Variants in MAP7 observed in about 807,000 individuals in gnomAD.
MAP7 encodes ensconsin.
A neutral mutation model predicts 94.8 loss-of-function variants in MAP7; 52 were observed. The ratio of observed to expected loss-of-function variants is 0.55; its 90% CI spans 0.44 to 0.69. MAP7 has a LOEUF of 0.69. Ranked by LOEUF, MAP7 falls within the 30% of genes least tolerant of loss-of-function variation. The probability of loss-of-function intolerance (pLI) is 0.00; values close to 1 mark genes in which losing one functional copy is unlikely to be tolerated. For missense variants in MAP7, 940 were observed against 964.6 expected, an observed-to-expected ratio of 0.97 and a Z score of 0.34; for synonymous variants, 350 against 357.0, an observed-to-expected ratio of 0.98 and a Z score of 0.22.
At chr6:136,497,858 C>T (rs1385334237) in intron 1 of MAP7, among the ~76,000 whole-genome samples, 2 of 149,054 alleles carry the variant, frequency 1.3e-5, no homozygotes, top group Non-Finnish European at 3.0e-5. Context: ...GCATGAATGA[C>T]TGTTTTTCCC....
intron 1 of MAP7, among the ~76,000 whole-genome samples, chr6:136,424,288 C>A: frequency 6.7e-6 from 1 of 148,280 alleles, no homozygotes; most frequent in South Asian, 2.1e-4. Context: ...GACTAGGTGA[C>A]TTTCCAGTAT....
intron 16 of MAP7, among the ~76,000 whole-genome samples, chr6:136,347,811 C>T (rs1007523152): frequency 7.2e-5 from 11 of 152,154 alleles, no homozygotes; most frequent in Admixed American, 2.0e-4. Flanking sequence ...TTAAACCTTC[C>T]TTTTTTACGG....
chr6:136,348,011 G>GCC (rs58157708), intron 16 of MAP7, among the ~76,000 whole-genome samples: 33 of 136,878 alleles, frequency 2.4e-4, no homozygotes, highest in African/African-American at 6.7e-4. Context: ...ATGTGCACAT[G>GCC]CCCCCCCCCC....
intron 1 of MAP7, among the ~76,000 whole-genome samples, chr6:136,424,400 T>A (rs1435011571): frequency 6.6e-6 from 1 of 152,130 alleles, no homozygotes; most frequent in African/African-American, 2.4e-5. Context: ...TTATGAAATC[T>A]TTATTGATTA....
At chr6:136,539,391 C>T (rs1829136722) in intron 1 of MAP7, among the ~76,000 whole-genome samples, 2 of 152,150 alleles carry the variant, frequency 1.3e-5, no homozygotes, top group African/African-American at 2.4e-5. Context: ...TAGAATTACC[C>T]CTAAACAATT....
chr6:136,413,714 T>A (rs1788262090), intron 2 of MAP7, among the ~76,000 whole-genome samples: 1 of 151,978 alleles, frequency 6.6e-6, no homozygotes, highest in Non-Finnish European at 1.5e-5. Context: ...TGGGTTCAAG[T>A]GAATCCTCCC....
intron 1 of MAP7, among the ~76,000 whole-genome samples, chr6:136,483,619 T>A (rs1021683340): frequency 3.9e-5 from 6 of 151,954 alleles, no homozygotes; most frequent in Non-Finnish European, 8.8e-5. Flanking sequence ...TCCTTTATAC[T>A]CACAGGAACA....
At chr6:136,533,154 C>G (rs1184800420) in intron 1 of MAP7, among the ~76,000 whole-genome samples, 1 of 152,206 alleles carries the variant, frequency 6.6e-6, no homozygotes, top group East Asian at 1.9e-4. Flanking sequence ...TGCCTGTAAT[C>G]TCAGCTACTC....
intron 16 of MAP7, among the ~76,000 whole-genome samples, chr6:136,355,304 A>G (rs1428204934): frequency 1.3e-5 from 2 of 151,948 alleles, no homozygotes; most frequent in Admixed American, 6.6e-5. Context: ...ATTGAACATA[A>G]TAAGTTTTAG....
At chr6:136,448,625 G>A (rs1157061089) in intron 1 of MAP7, among the ~76,000 whole-genome samples, 1 of 151,896 alleles carries the variant, frequency 6.6e-6, no homozygotes, top group African/African-American at 2.4e-5. Flanking sequence ...ATGTTGGGCA[G>A]GATGGTCTCG....
chr6:136,507,080 TTC>T (rs926540069), intron 1 of MAP7, among the ~76,000 whole-genome samples: 30 of 152,120 alleles, frequency 2.0e-4, no homozygotes, highest in Non-Finnish European at 1.0e-4. Flanking sequence ...CGTGAATCGT[TTC>T]TGTTTTTTTG....
At chr6:136,455,398 A>C (rs1359217527) in intron 1 of MAP7, among the ~76,000 whole-genome samples, 1 of 152,176 alleles carries the variant, frequency 6.6e-6, no homozygotes, top group Admixed American at 6.5e-5. Flanking sequence ...AGGAAATCTG[A>C]ATTCCCCACT....
chr6:136,427,179 C>T (rs3823167), intron 1 of MAP7, among the ~76,000 whole-genome samples: 123,069 of 152,138 alleles, frequency 0.81, 50,019 homozygotes, highest in Middle Eastern at 0.86. Context: ...CTAGAAGAAG[C>T]CAAGGACAGC....
intron 1 of MAP7, among the ~76,000 whole-genome samples, chr6:136,491,177 T>C (rs2181096): frequency 0.7 from 106,129 of 152,056 alleles, 38,813 homozygotes; most frequent in South Asian, 0.84. Flanking sequence ...AATTAAAAAA[T>C]GTAAAAATTA....
intron 3 of MAP7, among the ~76,000 whole-genome samples, chr6:136,396,816 G>C (rs549918196): frequency 6.6e-6 from 1 of 152,192 alleles, no homozygotes; most frequent in East Asian, 1.9e-4. Context: ...ACATAATATG[G>C]TTAGAATACT....
chr6:136,470,556 A>G (rs946178243), intron 1 of MAP7, among the ~76,000 whole-genome samples: 2 of 152,108 alleles, frequency 1.3e-5, no homozygotes, highest in South Asian at 2.1e-4. Flanking sequence ...CATGCTGCAC[A>G]TTAGGTCTCC....
intron 1 of MAP7, among the ~76,000 whole-genome samples, chr6:136,456,741 G>A (rs1208700692): frequency 7.9e-6 from 1 of 126,808 alleles, no homozygotes; most frequent in Admixed American, 8.5e-5. Flanking sequence ...GAAGGAAGAG[G>A]AGAAGGAGGA....
At position 136,406,292 on chromosome 6, in the gene MAP7, C is replaced by T. The variant is rs150465285; in HGVS notation, c.244+5328G>A. ...TCTGCTCCAACACTTACATTTTAAC[C>T]ACTGTCGAATGGGAGTCAACATAGC... On this transcript the variant is annotated intron_variant, in intron 3 of 17. Coordinates refer to ENST00000354570, the MANE Select transcript of MAP7 (RefSeq NM_003980.6). Among the ~76,000 whole-genome samples, 173 of 152,304 alleles carry T rather than the reference C, an allele frequency of 1.1e-3. 1 individual carries two copies. Among genetic ancestry groups the T allele is most frequent in the Non-Finnish European group, 1.9e-3 (131 of 68,028 alleles).
intron 3 of MAP7, among the ~76,000 whole-genome samples, chr6:136,390,420 A>AG (rs1780371600): frequency 6.6e-6 from 1 of 152,186 alleles, no homozygotes; most frequent in Admixed American, 6.5e-5. Context: ...TGGGAGGCTG[A>AG]GGGGGGCAGA....
Sources: gnomAD v4.1 joint callset for allele counts (sites outside exome capture counted in the v4.1 genomes callset) on GRCh38, gnomAD v4.1.1 for gene constraint, MANE v1.5 for transcripts, NCBI Gene and HGNC (gene_info 2026-07-23, HGNC 2026-07-21) for gene names.